The following TENM3 variants were observed in gnomAD, a reference collection of about 807,000 sequenced individuals.
TENM3 encodes the protein teneurin transmembrane protein 3, also known as teneurin-3.
In TENM3, 63 loss-of-function variants were observed where a neutral mutation model predicts 255.1. The observed-to-expected ratio is 0.25, with a 90% CI of 0.20 to 0.30. The LOEUF is 0.30. Among genes scored for constraint, TENM3 ranks in the 10% least tolerant of loss-of-function variants. The probability of loss-of-function intolerance (pLI) is 1.00; values close to 1 mark genes in which losing one functional copy is unlikely to be tolerated. For synonymous variants in TENM3, 1,306 were observed against 1,322.3 expected (o/e 0.99, Z 0.27); for missense variants, 2,929 against 3,461.1 (o/e 0.85, Z 3.86).
intron 16 of TENM3, among the ~76,000 whole-genome samples, chr4:182,732,554 C>A (rs986455725): frequency 6.6e-6 from 1 of 152,136 alleles, no homozygotes; most frequent in Non-Finnish European, 1.5e-5. Context: ...TGCCAGGCGG[C>A]GTGGCTCACT....
At chr4:182,662,219 C>G (rs1401893132) in intron 6 of TENM3, among the ~76,000 whole-genome samples, 4 of 152,124 alleles carry the variant, frequency 2.6e-5, no homozygotes, top group Non-Finnish European at 5.9e-5. Context: ...TATGTGGTCT[C>G]TCTCTGTTTT....
chr4:182,737,018 A>G lies in TENM3; in HGVS notation c.3178A>G (p.Ile1060Val). The stretch of plus-strand genomic sequence containing the variant: ...CTCACCAAACTTGGCCTATACTTTC[A>G]TATGGGATAAAACAGATGCATATAA... Reference protein sequence around the residue: ...PASPNLAYTFIWDKTDAYNQK... With the variant: ...PASPNLAYTFVWDKTDAYNQK... Residue 1060 changes from isoleucine (I) to valine (V), a missense_variant, in exon 17 of 28, where the codon ATA becomes GTA. Coordinates refer to ENST00000511685, the MANE Select transcript of TENM3 (RefSeq NM_001080477.4). 1 of 1,613,902 alleles carries G rather than the reference A, an allele frequency of 6.2e-7. No individual in the cohort carries two copies. Among genetic ancestry groups the G allele is most frequent in the Non-Finnish European group, 8.5e-7 (1 of 1,179,798 alleles).
At chr4:181,672,191 C>T in the TENM3 span, among the ~76,000 whole-genome samples, 1 of 152,094 alleles carries the variant, frequency 6.6e-6, no homozygotes, top group Non-Finnish European at 1.5e-5. Context: ...TCCAGTGTCC[C>T]ATCTTGTGCA....
chr4:182,730,893 A>G lies in TENM3; in HGVS notation c.2721A>G (p.Ala907=), dbSNP rs748956606. ...TCTTTCTTAGGTTTGACTTGGTGGCAAATGGTGGGGCCTCTCTAACTTTGG... is the reference window on the plus strand; with the variant it reads ...TCTTTCTTAGGTTTGACTTGGTGGCGAATGGTGGGGCCTCTCTAACTTTGG... ...TRQDGMFDLV[A]NGGASLTLVF... Residue 907 remains alanine, a synonymous_variant, in exon 16 of 28, where the codon GCA becomes GCG. Transcript: ENST00000511685. 3 of 1,613,814 alleles carry G rather than the reference A, an allele frequency of 1.9e-6. No individual in the cohort carries two copies. The highest frequency in any genetic ancestry group is 1.7e-6 in the Non-Finnish European group (2 of 1,179,744).
chr4:182,562,063 GTTCTA>G (rs1476970088), intron 3 of TENM3, among the ~76,000 whole-genome samples: 3 of 151,698 alleles, frequency 2.0e-5, no homozygotes, highest in African/African-American at 7.3e-5. Flanking sequence ...AAATACCTAT[GTTCTA>G]TTGTGGAGTA....
At chr4:182,089,389 A>G in the TENM3 span, among the ~76,000 whole-genome samples, 1 of 152,298 alleles carries the variant, frequency 6.6e-6, no homozygotes, top group Admixed American at 6.5e-5. Context: ...AAGGTAAGAG[A>G]AAGAGACTTT....
chr4:181,986,659 A>T, the TENM3 span, among the ~76,000 whole-genome samples: 1 of 151,966 alleles, frequency 6.6e-6, no homozygotes, highest in African/African-American at 2.4e-5. Context: ...TCTTCTTAAC[A>T]GCCCACTCTC....
intron 5 of TENM3, among the ~76,000 whole-genome samples, chr4:182,644,390 A>C (rs1483092580): frequency 2.0e-5 from 3 of 152,196 alleles, no homozygotes; most frequent in African/African-American, 7.2e-5. Context: ...TTGGTGGTAT[A>C]TAATTTTCTT....
intron 1 of TENM3, among the ~76,000 whole-genome samples, chr4:182,166,025 G>A (rs1259902157): frequency 2.0e-5 from 3 of 152,020 alleles, no homozygotes; most frequent in Non-Finnish European, 4.4e-5. Flanking sequence ...TGATCTGCCC[G>A]CCTCGGCCTC....
At chr4:182,524,430 C>T (rs545049672) in intron 3 of TENM3, among the ~76,000 whole-genome samples, 3 of 132,082 alleles carry the variant, frequency 2.3e-5, no homozygotes, top group South Asian at 2.5e-4. Flanking sequence ...GGCATGACCA[C>T]GGTTCACTCT....
chr4:181,977,218 TA>T, the TENM3 span, among the ~76,000 whole-genome samples: 4,631 of 152,282 alleles, frequency 0.03, 86 homozygotes, highest in Non-Finnish European at 0.043. Flanking sequence ...ATAGGATCGT[TA>T]AAAGGATTAG....
chr4:182,553,758 G>A (rs1028965687), intron 3 of TENM3, among the ~76,000 whole-genome samples: 5 of 152,104 alleles, frequency 3.3e-5, no homozygotes, highest in Non-Finnish European at 7.4e-5. Context: ...TTGATAACTC[G>A]GGTTACTATC....
the TENM3 span, among the ~76,000 whole-genome samples, chr4:182,071,570 C>A: frequency 7.2e-5 from 11 of 152,024 alleles, no homozygotes; most frequent in Admixed American, 2.6e-4. Flanking sequence ...CTCAGCCTCC[C>A]AAGCAGCTGG....
At chr4:181,717,998 C>T in the TENM3 span, among the ~76,000 whole-genome samples, 1 of 152,136 alleles carries the variant, frequency 6.6e-6, no homozygotes, top group Non-Finnish European at 1.5e-5. Context: ...TGGTTTACTG[C>T]AAGATACATC....
At chr4:182,242,779 G>T (rs1390754624), upstream of TENM3, among the ~76,000 whole-genome samples, 1 of 152,062 alleles carries the variant, frequency 6.6e-6, no homozygotes, top group Non-Finnish European at 1.5e-5. Context: ...AAACTTACTG[G>T]TTTTCCTGCC....
At chr4:182,528,510 T>A (rs532440061) in intron 3 of TENM3, among the ~76,000 whole-genome samples, 1 of 152,236 alleles carries the variant, frequency 6.6e-6, no homozygotes, top group Non-Finnish European at 1.5e-5. Context: ...GTATGTGTTT[T>A]AGGGGAAGAG....
At chr4:182,280,305 T>G (rs1025794198) in intron 1 of TENM3, among the ~76,000 whole-genome samples, 2 of 152,198 alleles carry the variant, frequency 1.3e-5, no homozygotes, top group African/African-American at 4.8e-5. Context: ...GATTGCACTC[T>G]TTGAAAAATG....
chr4:181,551,582 A>G, the TENM3 span, among the ~76,000 whole-genome samples: 21 of 152,162 alleles, frequency 1.4e-4, 1 homozygote, highest in South Asian at 4.4e-3. Flanking sequence ...TTTTTATCTC[A>G]ATCACTCCAG....
intron 5 of TENM3, among the ~76,000 whole-genome samples, chr4:182,636,743 G>T (rs1329904297): frequency 6.6e-6 from 1 of 150,648 alleles, no homozygotes; most frequent in African/African-American, 2.4e-5. Flanking sequence ...AGAAAGAAAA[G>T]AAAAGAATAC....
Sources: allele counts gnomAD v4.1 joint callset (sites outside exome capture counted in the v4.1 genomes callset), GRCh38; gene constraint gnomAD v4.1.1; transcripts MANE v1.5; gene names NCBI Gene and HGNC (gene_info 2026-07-23, HGNC 2026-07-21).